MAML3: variants seen among roughly 807,000 people sequenced by gnomAD.
MAML3 encodes mastermind like transcriptional coactivator 3, also known as mastermind-like protein 3.
MAML3 carries 27 observed loss-of-function variants against 101.9 expected under a neutral mutation model. The observed-to-expected ratio is 0.27, with a 90% CI of 0.20 to 0.37. The LOEUF (loss-of-function observed/expected upper bound fraction) is 0.37, where lower values mean the gene tolerates loss of function less well. MAML3 is among the 10% of genes least tolerant of loss of function. The pLI, the probability that MAML3 is intolerant of heterozygous loss-of-function variation, is 1.00. For synonymous variants in MAML3, 501 were observed against 555.9 expected, an observed-to-expected ratio of 0.90 and a Z score of 1.39; for missense variants, 1,316 against 1,444.9, an observed-to-expected ratio of 0.91 and a Z score of 1.45.
chr4:139,867,103 G>A (rs994520374), intron 2 of MAML3, among the ~76,000 whole-genome samples: 19 of 152,218 alleles, frequency 1.2e-4, no homozygotes, highest in Admixed American at 1.2e-3. Context: ...AATGGAATCC[G>A]ATTTTAATGA....
intron 2 of MAML3, among the ~76,000 whole-genome samples, chr4:139,799,565 G>A (rs1730569785): frequency 6.6e-6 from 1 of 152,186 alleles, no homozygotes; most frequent in South Asian, 2.1e-4. Flanking sequence ...TTCTCTTTCT[G>A]TCCTCATAAG....
At chr4:139,902,773 C>A (rs1732752458) in intron 1 of MAML3, among the ~76,000 whole-genome samples, 2 of 152,200 alleles carry the variant, frequency 1.3e-5, no homozygotes, top group South Asian at 4.1e-4. Flanking sequence ...GTTGTTATAG[C>A]AACAGTCAGA....
At chr4:139,929,048 T>A (rs1186837962) in intron 1 of MAML3, among the ~76,000 whole-genome samples, 1 of 152,112 alleles carries the variant, frequency 6.6e-6, no homozygotes, top group Admixed American at 6.6e-5. Context: ...ACTTCAGGAT[T>A]TCAAAAGGAG....
chr4:140,142,096 T>C (rs1408355017), intron 1 of MAML3, among the ~76,000 whole-genome samples: 2 of 152,310 alleles, frequency 1.3e-5, no homozygotes, highest in Admixed American at 1.3e-4. Flanking sequence ...GAATGCTATA[T>C]AGCAGTTAAA....
At chr4:139,944,078 G>A (rs925458700) in intron 1 of MAML3, among the ~76,000 whole-genome samples, 11 of 151,794 alleles carry the variant, frequency 7.2e-5, no homozygotes, top group Admixed American at 3.3e-4. Context: ...CACCATGTTC[G>A]CTGGGATGGT....
intron 1 of MAML3, chr4:140,133,065 G>A (rs116599841): frequency 0.014 from 6,236 of 440,656 alleles, 70 homozygotes; most frequent in Non-Finnish European, 0.018. Flanking sequence ...GGAGAACAGA[G>A]ATGGATTTCT....
At chr4:139,777,654 G>GTAAC (rs1291605085) in intron 2 of MAML3, among the ~76,000 whole-genome samples, 2 of 152,230 alleles carry the variant, frequency 1.3e-5, no homozygotes, top group Non-Finnish European at 2.9e-5. Flanking sequence ...AGCCACCCAA[G>GTAAC]TAACTGGGAC....
At chr4:139,814,668 C>G (rs1024295169) in intron 2 of MAML3, among the ~76,000 whole-genome samples, 1 of 152,160 alleles carries the variant, frequency 6.6e-6, no homozygotes, top group Non-Finnish European at 1.5e-5. Context: ...GGGTAACACC[C>G]TCCCCCCACC....
At chr4:140,128,510 T>C (rs750464697) in intron 1 of MAML3, among the ~76,000 whole-genome samples, 1 of 152,200 alleles carries the variant, frequency 6.6e-6, no homozygotes, top group Non-Finnish European at 1.5e-5. Flanking sequence ...TTAGGGAATG[T>C]CAGCTCAGAG....
Position 139,887,390 on chromosome 4 carries a change from T to A in MAML3, c.2079+1967A>T, listed in dbSNP as rs761954713. ...ACATTCTGTCCACACTGAAAATACT[T>A]CGTGAGACGAGAGAAGAGAGGAGGA... is the stretch of plus-strand genomic sequence containing the variant. On this transcript the variant is annotated intron_variant, in intron 2 of 4. Transcript: ENST00000509479. 1.9e-4 allele frequency among the ~76,000 whole-genome samples: 29 copies of A among 152,240 alleles called. 1 individual carries two copies. Among genetic ancestry groups the A allele is most frequent in the Non-Finnish European group, 3.4e-4 (23 of 68,042 alleles).
chr4:140,070,783 G>T (rs894348184), intron 1 of MAML3, among the ~76,000 whole-genome samples: 1 of 152,134 alleles, frequency 6.6e-6, no homozygotes, highest in Admixed American at 6.5e-5. Context: ...ATCTTTATTC[G>T]AACTTGATTG....
In MAML3 at chr4:139,735,089, G is replaced by A. The variant is rs903649204; in HGVS notation, c.2080-4422C>T. On this transcript the variant is annotated intron_variant, in intron 2 of 4. Transcript: ENST00000509479. This position sits in a 1 kb window ranked among gnomAD's most constrained non-coding sequence, Gnocchi z 5.8. Reference sequence around the variant, plus strand: ...CGCCCCTCCGCGGCCCCCGCCCCGCGCGTCTGGGCGAGCGCTGCGAACGTG... The same window carrying A: ...CGCCCCTCCGCGGCCCCCGCCCCGCACGTCTGGGCGAGCGCTGCGAACGTG... Among the ~76,000 whole-genome samples, 4 of 152,176 alleles carry A rather than the reference G, an allele frequency of 2.6e-5. No individual in the cohort carries two copies. The highest frequency in any genetic ancestry group is 5.9e-5 in the Non-Finnish European group (4 of 68,026).
At chr4:139,950,133 C>T (rs1346655170) in intron 1 of MAML3, among the ~76,000 whole-genome samples, 1 of 152,114 alleles carries the variant, frequency 6.6e-6, no homozygotes, top group Non-Finnish European at 1.5e-5. Flanking sequence ...CTCCGCCTCC[C>T]AGGTTCAAGC....
intron 1 of MAML3, among the ~76,000 whole-genome samples, chr4:139,990,799 C>A (rs1453553308): frequency 1.3e-5 from 2 of 152,094 alleles, no homozygotes; most frequent in Non-Finnish European, 2.9e-5. Flanking sequence ...CTCCCAGTCA[C>A]AATTGCTTCA....
At chr4:139,950,137 T>C (rs1159438639) in intron 1 of MAML3, among the ~76,000 whole-genome samples, 1 of 152,178 alleles carries the variant, frequency 6.6e-6, no homozygotes, top group East Asian at 1.9e-4. Flanking sequence ...GCCTCCCAGG[T>C]TCAAGCAATT....
intron 1 of MAML3, among the ~76,000 whole-genome samples, chr4:140,016,412 T>C (rs1263692291): frequency 6.6e-6 from 1 of 152,176 alleles, no homozygotes; most frequent in Non-Finnish European, 1.5e-5. Context: ...GCAATAGATT[T>C]GTAGATGAAG....
chr4:140,022,330 TG>T (rs1417672167), intron 1 of MAML3, among the ~76,000 whole-genome samples: 2 of 152,210 alleles, frequency 1.3e-5, no homozygotes, highest in Admixed American at 1.3e-4. Flanking sequence ...AAAAAACTAT[TG>T]GAACAGCCTG....
At chr4:139,909,013 T>A (rs992749811) in intron 1 of MAML3, among the ~76,000 whole-genome samples, 2 of 152,222 alleles carry the variant, frequency 1.3e-5, no homozygotes, top group African/African-American at 4.8e-5. Flanking sequence ...AATTTCTTTT[T>A]ATGTTTTAAA....
intron 1 of MAML3, among the ~76,000 whole-genome samples, chr4:139,900,243 C>G (rs1019619199): frequency 2.6e-5 from 4 of 152,224 alleles, no homozygotes; most frequent in Non-Finnish European, 5.9e-5. Context: ...GAGCACCCAT[C>G]CAATTCCAGC....
Sources: gnomAD v4.1 joint callset for allele counts (sites outside exome capture counted in the v4.1 genomes callset) on GRCh38, gnomAD v4.1.1 for gene constraint, Gnocchi (gnomAD v3.1) non-coding constraint, MANE v1.5 for transcripts, NCBI Gene and HGNC (gene_info 2026-07-23, HGNC 2026-07-21) for gene names.